NEBL: variants seen among roughly 807,000 people sequenced by gnomAD.
NEBL encodes the protein LIM and SH3 protein 2.
Under a neutral mutation model 140.2 loss-of-function variants are expected in NEBL, and 122 were observed. That is an observed-to-expected ratio of 0.87 (90% CI 0.75 to 1.01). The LOEUF is 1.01. Ranked by LOEUF, NEBL falls within the 50% of genes least tolerant of loss-of-function variation. The pLI is 0.00. For missense variants in NEBL, 1,365 were observed against 1,231.3 expected (o/e 1.11, Z -1.62); for synonymous variants, 436 against 398.9 (o/e 1.09, Z -1.11).
chr10:20,807,589 C>A lies in NEBL; in HGVS notation c.2761+921G>T, dbSNP rs186544025. Among the ~76,000 whole-genome samples, 588 of 152,294 alleles carry A rather than the reference C, an allele frequency of 3.9e-3. 6 individuals carry two copies. Among genetic ancestry groups the A allele is most frequent in the African/African-American group, 0.014 (562 of 41,560 alleles). ...CAGAAAAACTAATTACACAATTATACAATCTTTCGCAGCTTGGTCATTTCC... is the reference window on the plus strand; with the variant it reads ...CAGAAAAACTAATTACACAATTATAAAATCTTTCGCAGCTTGGTCATTTCC... On this transcript the variant is annotated intron_variant, in intron 26 of 27. Transcript: ENST00000377122.
intron 5 of NEBL, among the ~76,000 whole-genome samples, chr10:20,870,713 A>G (rs1038630298): frequency 6.6e-6 from 1 of 152,248 alleles, no homozygotes; most frequent in African/African-American, 2.4e-5. Context: ...CCCAATAAAT[A>G]TCATTGGAAT....
rs1841156067 is a variant in NEBL at position 21,173,133 on chromosome 10, C to T, written c.69+632G>A. Among the ~76,000 whole-genome samples the T allele has an allele frequency of 6.6e-6, 1 of 152,176 alleles. No homozygotes were observed. Among genetic ancestry groups the T allele is most frequent in the Admixed American group, 6.5e-5 (1 of 15,288 alleles). On this transcript the variant is annotated intron_variant, in intron 1 of 6. Transcript: ENST00000417816. The surrounding 1 kb of genome is among the most constrained non-coding windows in gnomAD (Gnocchi z 5.7). ...CGGGCTGTTCATCTCCGTCCCTGCC[C>T]GGGAAGGGCAGGGGGCAGGGCTGGA...
intron 4 of NEBL, among the ~76,000 whole-genome samples, chr10:20,929,668 G>T (rs1003586882): frequency 7.2e-6 from 1 of 139,828 alleles, no homozygotes; most frequent in Non-Finnish European, 1.5e-5. Context: ...GATACCACAT[G>T]TTCTCATTTA....
At chr10:21,055,506 C>A (rs186093655) in intron 2 of NEBL, among the ~76,000 whole-genome samples, 6 of 152,118 alleles carry the variant, frequency 3.9e-5, no homozygotes, top group African/African-American at 1.4e-4. Flanking sequence ...AACCCACCCA[C>A]CTGTTTTGCT....
At chr10:21,126,473 G>GA (rs887089164) in intron 2 of NEBL, among the ~76,000 whole-genome samples, 1 of 151,802 alleles carries the variant, frequency 6.6e-6, no homozygotes, top group East Asian at 1.9e-4. Context: ...TCTAAAGAGG[G>GA]AAAAAAACAA....
intron 5 of NEBL, among the ~76,000 whole-genome samples, chr10:20,875,284 C>T (rs1234272443): frequency 6.6e-6 from 1 of 152,098 alleles, no homozygotes; most frequent in East Asian, 1.9e-4. Flanking sequence ...CCAAGGTGCC[C>T]GGCTATCCTT....
At chr10:21,219,163 T>C (rs1180204798) in intron 3 of NEBL, among the ~76,000 whole-genome samples, 1 of 152,216 alleles carries the variant, frequency 6.6e-6, no homozygotes, top group Non-Finnish European at 1.5e-5. Context: ...ATGAAAACTT[T>C]CTAAAAATGT....
intron 2 of NEBL, among the ~76,000 whole-genome samples, chr10:21,147,311 G>T (rs990933225): frequency 7.3e-5 from 11 of 151,402 alleles, no homozygotes; most frequent in African/African-American, 2.4e-4. Flanking sequence ...CAGTTTCTCA[G>T]AAGAAGGGGT....
At chr10:21,184,114 A>G (rs78046401) in intron 3 of NEBL, among the ~76,000 whole-genome samples, 3,269 of 152,286 alleles carry the variant, frequency 0.021, 118 homozygotes, top group African/African-American at 0.074. Flanking sequence ...TACACAGGCC[A>G]AGCTTTTAAT....
chr10:20,887,949 AC>A, intron 4 of NEBL, 147 bp downstream of exon 4: 3 of 683,592 alleles, frequency 4.4e-6, no homozygotes, highest in South Asian at 1.6e-5. Flanking sequence ...TTCAACAGCA[AC>A]TACTGACAGC....
chr10:21,266,639 G>A (rs570375558), intron 1 of NEBL, among the ~76,000 whole-genome samples: 10 of 152,218 alleles, frequency 6.6e-5, no homozygotes, highest in African/African-American at 9.6e-5. Flanking sequence ...GGATCCACAC[G>A]GTGCTCCCTG....
chr10:20,797,723 A>G (rs1836692802), intron 26 of NEBL, among the ~76,000 whole-genome samples: 1 of 152,158 alleles, frequency 6.6e-6, no homozygotes, highest in Non-Finnish European at 1.5e-5. Context: ...GTTAGACAGG[A>G]GCAAGGTAAG....
intron 3 of NEBL, among the ~76,000 whole-genome samples, chr10:21,010,369 T>C (rs555856578): frequency 3.3e-5 from 5 of 152,120 alleles, no homozygotes; most frequent in South Asian, 2.1e-4. Context: ...ATCAGTCTCC[T>C]GAGTAGGTGG....
At chr10:20,875,718 TAGCCAGCCAGCC>T (rs575325601) in intron 5 of NEBL, among the ~76,000 whole-genome samples, 10 of 151,848 alleles carry the variant, frequency 6.6e-5, no homozygotes, top group South Asian at 2.1e-4. Context: ...GCAGGAGTGA[TAGCCAGCCAGCC>T]AGCCAGCCAG....
chr10:20,819,959 C>T (rs1322647163), intron 19 of NEBL, among the ~76,000 whole-genome samples: 1 of 152,120 alleles, frequency 6.6e-6, no homozygotes. Flanking sequence ...GGTGGCCTCT[C>T]TGAGTTTGAT....
At chr10:21,221,424 C>G (rs574563901) in intron 3 of NEBL, among the ~76,000 whole-genome samples, 2 of 152,314 alleles carry the variant, frequency 1.3e-5, no homozygotes, top group East Asian at 1.9e-4. Context: ...CAATGAGACA[C>G]ACGTAAGTCA....
chr10:20,959,466 G>A (rs1835951077), intron 4 of NEBL, among the ~76,000 whole-genome samples: 1 of 152,008 alleles, frequency 6.6e-6, no homozygotes, highest in African/African-American at 2.4e-5. Context: ...AAAGTAATAT[G>A]GAAAACTGGA....
chr10:20,808,756 A>C (rs1015141844), intron 25 of NEBL, 97 bp from the exon 26 acceptor site: 2 of 1,296,860 alleles, frequency 1.5e-6, no homozygotes, highest in African/African-American at 2.9e-5. Flanking sequence ...AAGAAAAACC[A>C]TCTCTTAGTA....
chr10:20,905,441 G>T lies in NEBL; in HGVS notation c.357+56231C>A, dbSNP rs181082041. ...GCACTTCTTACATGGTGGCAGGCAA[G>T]AGAGAGCCAGCAAGAGCAGGGAAAA... On this transcript the variant is annotated intron_variant, in intron 4 of 6. Coordinates refer to the NEBL transcript ENST00000417816. 5.9e-5 allele frequency among the ~76,000 whole-genome samples: 9 copies of T among 152,304 alleles called. No individual in the cohort carries two copies. The East Asian group carries it at 1.4e-3, about 23-fold the overall frequency.
Sources: gnomAD v4.1 joint callset for allele counts (sites outside exome capture counted in the v4.1 genomes callset) on GRCh38, gnomAD v4.1.1 for gene constraint, Gnocchi (gnomAD v3.1) non-coding constraint, MANE v1.5 for transcripts, NCBI Gene and HGNC (gene_info 2026-07-23, HGNC 2026-07-21) for gene names.